Variants in TTC23 observed in about 807,000 individuals in gnomAD.
TTC23 encodes tetratricopeptide repeat protein 23.
Under a neutral mutation model 55.1 loss-of-function variants are expected in TTC23, and 58 were observed. The ratio of observed to expected loss-of-function variants is 1.05; its 90% CI spans 0.85 to 1.31. The LOEUF is 1.31. Among genes scored for constraint, TTC23 ranks in the 50% most tolerant of loss-of-function variants. The probability of loss-of-function intolerance (pLI) is 0.00; values close to 1 mark genes in which losing one functional copy is unlikely to be tolerated. For missense variants in TTC23, 516 were observed against 534.4 expected, an observed-to-expected ratio of 0.97 and a Z score of 0.34; for synonymous variants, 203 against 199.9, an observed-to-expected ratio of 1.02 and a Z score of -0.13.
intron 9 of TTC23, among the ~76,000 whole-genome samples, chr15:99,190,418 G>A (rs183998827): frequency 1.4e-3 from 215 of 151,958 alleles, no homozygotes; most frequent in Admixed American, 4.8e-3. Flanking sequence ...AATTACAGGC[G>A]TGCATCACCA....
At chr15:99,206,931 A>G (rs2076676642) in intron 8 of TTC23, among the ~76,000 whole-genome samples, 1 of 152,034 alleles carries the variant, frequency 6.6e-6, no homozygotes, top group South Asian at 2.1e-4. Flanking sequence ...TTTGGAGGTA[A>G]GCATTTATTG....
intron 9 of TTC23, among the ~76,000 whole-genome samples, chr15:99,198,370 C>T (rs957409124): frequency 1.3e-5 from 2 of 152,126 alleles, no homozygotes; most frequent in Non-Finnish European, 2.9e-5. Context: ...TCCTTCTTTC[C>T]CCCACATCCA....
chr15:99,207,688 T>G (rs903719507), intron 8 of TTC23, among the ~76,000 whole-genome samples: 24 of 152,176 alleles, frequency 1.6e-4, no homozygotes, highest in African/African-American at 5.6e-4. Flanking sequence ...ACCCGGGAGA[T>G]GGAGGATGCA....
At chr15:99,212,693 A>G (rs1047735122) in intron 8 of TTC23, among the ~76,000 whole-genome samples, 3 of 152,078 alleles carry the variant, frequency 2.0e-5, no homozygotes, top group African/African-American at 7.2e-5. Flanking sequence ...ACACTAAAAG[A>G]TATCCTTTTA....
intron 9 of TTC23, among the ~76,000 whole-genome samples, chr15:99,183,591 G>A (rs1035769258): frequency 6.7e-6 from 1 of 148,534 alleles, no homozygotes; most frequent in African/African-American, 2.5e-5. Flanking sequence ...CACCTGCCTC[G>A]GCCTCCCAAA....
chr15:99,214,852 CTT>C (rs777804106), intron 8 of TTC23, among the ~76,000 whole-genome samples: 8 of 99,880 alleles, frequency 8.0e-5, no homozygotes, highest in African/African-American at 1.2e-4. Flanking sequence ...TTCTTTTCTC[CTT>C]TTTTTTTTTT....
intron 3 of TTC23, among the ~76,000 whole-genome samples, chr15:99,237,516 C>T (rs1399319870): frequency 6.6e-6 from 1 of 151,962 alleles, no homozygotes. Context: ...ATAGTTATGC[C>T]GAGTGAAGAA....
chr15:99,219,181 C>T, intron 6 of TTC23, 133 bp from the exon 7 acceptor site: 1 of 944,728 alleles, frequency 1.1e-6, no homozygotes, highest in Non-Finnish European at 1.6e-6. Context: ...CGTATCTGGG[C>T]AGCATGAAAC....
chr15:99,177,318 A>G (rs1252613352), intron 9 of TTC23, among the ~76,000 whole-genome samples: 2 of 152,250 alleles, frequency 1.3e-5, no homozygotes, highest in African/African-American at 4.8e-5. Context: ...ATTACAGAAT[A>G]TAAAGAATTG....
At chr15:99,159,194 T>C (rs1213084422) in intron 11 of TTC23, 2 of 152,428 alleles carry the variant, frequency 1.3e-5, no homozygotes, top group African/African-American at 4.8e-5. Flanking sequence ...ACACTGAGCA[T>C]TGGCTGACTC....
intron 9 of TTC23, among the ~76,000 whole-genome samples, chr15:99,191,536 G>C (rs1391775772): frequency 1.3e-5 from 2 of 152,184 alleles, no homozygotes; most frequent in African/African-American, 4.8e-5. Context: ...ATCATAAGGA[G>C]GAGTTTCCCT....
intron 12 of TTC23, among the ~76,000 whole-genome samples, chr15:99,142,107 AC>A (rs1555490683): frequency 6.6e-6 from 1 of 152,136 alleles, no homozygotes; most frequent in Non-Finnish European, 1.5e-5. Flanking sequence ...AAATTTAGGA[AC>A]TTTGACTAAG....
intron 9 of TTC23, among the ~76,000 whole-genome samples, chr15:99,188,575 A>G (rs1189709585): frequency 6.6e-6 from 1 of 152,078 alleles, no homozygotes; most frequent in Non-Finnish European, 1.5e-5. Flanking sequence ...CAATATGTAT[A>G]AGATATGAAG....
In TTC23 at chr15:99,214,801, A is replaced by G. The variant is rs540157047; in HGVS notation, c.581+3787T>C. Among the ~76,000 whole-genome samples, 4 of 146,114 alleles carry G rather than the reference A, an allele frequency of 2.7e-5. No individual in the cohort carries two copies. In the East Asian group the frequency reaches 8.1e-4, roughly 30 times the overall value. On this transcript the variant is annotated intron_variant, in intron 8 of 13. Transcript: ENST00000394132. ...ACACCTTTTGATAGGTTTATTTGCTATGCGGGTGTTCTTTTTTTGGGAAAA... is the reference window on the plus strand; with the variant it reads ...ACACCTTTTGATAGGTTTATTTGCTGTGCGGGTGTTCTTTTTTTGGGAAAA...
At chr15:99,182,725 G>A (rs919602138) in intron 9 of TTC23, among the ~76,000 whole-genome samples, 10 of 151,942 alleles carry the variant, frequency 6.6e-5, no homozygotes, top group African/African-American at 1.5e-4. Context: ...TCTGGGCAAG[G>A]AGGTCTGAGG....
chr15:99,153,691 C>A (rs1394060054), intron 12 of TTC23, among the ~76,000 whole-genome samples: 1 of 152,004 alleles, frequency 6.6e-6, no homozygotes, highest in Non-Finnish European at 1.5e-5. Context: ...AAATTCCCAA[C>A]TCATAAACAC....
chr15:99,147,584 T>C (rs1555494593), intron 12 of TTC23, among the ~76,000 whole-genome samples: 1 of 152,172 alleles, frequency 6.6e-6, no homozygotes, highest in East Asian at 1.9e-4. Flanking sequence ...AACAATTGGC[T>C]CTCATTCTCA....
intron 9 of TTC23, among the ~76,000 whole-genome samples, chr15:99,188,734 A>T (rs2074964673): frequency 6.6e-6 from 1 of 152,102 alleles, no homozygotes; most frequent in South Asian, 2.1e-4. Flanking sequence ...TAAAAAATAT[A>T]AATGCAAATT....
Position 99,156,308 on chromosome 15 carries a change from A to G in TTC23, c.994-11T>C, listed in dbSNP as rs77414166. The stretch of plus-strand genomic sequence containing the variant: ...GATCGAGGTTGCTCTCTGTGAAAGG[A>G]ACAAAAAGCTATCTGGTTAACAAGC... On this transcript the variant is annotated splice_polypyrimidine_tract_variant and intron_variant, in intron 11 of 13. Transcript: ENST00000394132. 1.3e-3 allele frequency: 2,122 copies of G among 1,612,684 alleles called. 34 individuals are homozygous for G. In the African/African-American group the frequency reaches 0.026, roughly 19 times the overall value.
Sources: gnomAD v4.1 joint callset for allele counts (sites outside exome capture counted in the v4.1 genomes callset) on GRCh38, gnomAD v4.1.1 for gene constraint, MANE v1.5 for transcripts, NCBI Gene and HGNC (gene_info 2026-07-23, HGNC 2026-07-21) for gene names.